AMBRA1: variants seen among roughly 807,000 people sequenced by gnomAD.
AMBRA1 encodes activating molecule in BECN1-regulated autophagy protein 1.
AMBRA1 carries 47 observed loss-of-function variants against 125.4 expected under a neutral mutation model. That is an observed-to-expected ratio of 0.37 (90% CI 0.30 to 0.48). The LOEUF (loss-of-function observed/expected upper bound fraction) is 0.48, where lower values mean the gene tolerates loss of function less well. AMBRA1 is among the 20% of genes least tolerant of loss of function. AMBRA1 has a pLI of 0.99. For synonymous variants in AMBRA1, 626 were observed against 655.5 expected, an observed-to-expected ratio of 0.95 and a Z score of 0.69; for missense variants, 1,331 against 1,693.4, an observed-to-expected ratio of 0.79 and a Z score of 3.76.
intron 11 of AMBRA1, among the ~76,000 whole-genome samples, chr11:46,485,996 T>G (rs977573979): frequency 5.3e-5 from 8 of 152,218 alleles, no homozygotes; most frequent in African/African-American, 1.9e-4. Flanking sequence ...CTGGGAAGGC[T>G]GAGTTCTCTG....
intron 17 of AMBRA1, among the ~76,000 whole-genome samples, chr11:46,408,227 C>T (rs1404498548): frequency 6.6e-6 from 1 of 152,196 alleles, no homozygotes; most frequent in Non-Finnish European, 1.5e-5. Flanking sequence ...AGGAGGGAGT[C>T]TCCCTTTAGC....
intron 1 of AMBRA1, among the ~76,000 whole-genome samples, chr11:46,571,283 T>G (rs2043747459): frequency 6.6e-6 from 1 of 152,200 alleles, no homozygotes; most frequent in African/African-American, 2.4e-5. Context: ...CTGTAATTTT[T>G]AGAAATTCTA....
intron 11 of AMBRA1, among the ~76,000 whole-genome samples, chr11:46,480,530 C>T (rs886159094): frequency 1.6e-4 from 24 of 152,232 alleles, no homozygotes; most frequent in Non-Finnish European, 3.5e-4. Flanking sequence ...CATCCCAATA[C>T]ATGCGTCTTT....
chr11:46,502,954 A>C (rs1195888349), intron 9 of AMBRA1, among the ~76,000 whole-genome samples: 1 of 149,396 alleles, frequency 6.7e-6, no homozygotes, highest in African/African-American at 2.5e-5. Context: ...TCAGCTACTC[A>C]GGAGGCTGAG....
Position 46,572,162 on chromosome 11 carries a change from G to A in AMBRA1, c.-121+21666C>T, listed in dbSNP as rs145514359. Among the ~76,000 whole-genome samples, 770 of 152,158 alleles carry A rather than the reference G, an allele frequency of 5.1e-3. 3 individuals are homozygous for A. Among genetic ancestry groups the A allele is most frequent in the African/African-American group, 0.017 (724 of 41,532 alleles). ...CCGAAAATACAAAAATTTGCTGGGCGTGGTGGCGCCAGCCTGTAATCCCAG... is the reference window on the plus strand; with the variant it reads ...CCGAAAATACAAAAATTTGCTGGGCATGGTGGCGCCAGCCTGTAATCCCAG... On this transcript the variant is annotated intron_variant, in intron 1 of 17. Coordinates refer to ENST00000683756, the MANE Select transcript of AMBRA1 (RefSeq NM_001387011.1).
intron 1 of AMBRA1, among the ~76,000 whole-genome samples, chr11:46,570,261 CAAAAAAAAAAAA>C (rs200875374): frequency 2.8e-3 from 40 of 14,260 alleles, no homozygotes; most frequent in African/African-American, 9.1e-3. Context: ...GACCATGTCT[CAAAAAAAAAAAA>C]AAAAAAAAAA....
chr11:46,550,680 AC>A, intron 1 of AMBRA1, among the ~76,000 whole-genome samples: 1 of 152,126 alleles, frequency 6.6e-6, no homozygotes, highest in East Asian at 1.9e-4. Flanking sequence ...CAGAGTAGTT[AC>A]TACTTCTGTC....
At chr11:46,444,391 ATTTT>A (rs367590170) in intron 11 of AMBRA1, among the ~76,000 whole-genome samples, 1 of 152,146 alleles carries the variant, frequency 6.6e-6, no homozygotes, top group East Asian at 1.9e-4. Flanking sequence ...TAAAAAATGG[ATTTT>A]TTTAACAGGG....
chr11:46,479,373 A>C, intron 11 of AMBRA1, among the ~76,000 whole-genome samples: 1 of 152,220 alleles, frequency 6.6e-6, no homozygotes, highest in South Asian at 2.1e-4. Context: ...TTACCCAAAC[A>C]GCTTGCTTTA....
At chr11:46,408,282 C>T (rs2031351697) in intron 17 of AMBRA1, among the ~76,000 whole-genome samples, 3 of 152,172 alleles carry the variant, frequency 2.0e-5, no homozygotes, top group Admixed American at 1.3e-4. Context: ...GAAAAAGAGA[C>T]AGGGTCCTCA....
At chr11:46,584,334 G>T (rs1475967163) in intron 1 of AMBRA1, among the ~76,000 whole-genome samples, 1 of 139,272 alleles carries the variant, frequency 7.2e-6, no homozygotes, top group African/African-American at 2.7e-5. Context: ...GAGAACACAT[G>T]GACACAGGAA....
chr11:46,545,640 G>A lies in AMBRA1; in HGVS notation c.515C>T (p.Ala172Val), dbSNP rs1344060333. The A allele has an allele frequency of 1.2e-6, 2 of 1,614,114 alleles. No homozygotes were observed. The highest frequency in any genetic ancestry group is 1.1e-5 in the South Asian group (1 of 91,076). The change falls in exon 5 of 18, where the codon GCT becomes GTT. Residue 172 changes from alanine (A) to valine (V), a missense_variant. Physicochemically the swap from Ala to Val is moderately conservative, Grantham distance 64. This residue lies in a region of AMBRA1 where 144 missense variants were observed against 250.4 expected (regional missense o/e 0.58). Coordinates refer to ENST00000683756, the MANE Select transcript of AMBRA1 (RefSeq NM_001387011.1). ...FWDWSRREPFAVVKTASEMER... is the reference protein window; with the variant it reads ...FWDWSRREPFVVVKTASEMER... ...CATCTCACTAGCTGTCTTCACCACA[G>A]CAAAGGGTTCCCGTCGACTCCAGTC...
intron 7 of AMBRA1, among the ~76,000 whole-genome samples, chr11:46,532,068 GA>G (rs1415500824): frequency 1.1e-4 from 16 of 150,906 alleles, no homozygotes; most frequent in African/African-American, 3.9e-4. Flanking sequence ...GCAGTGAGCT[GA>G]GATCGGGCCA....
intron 5 of AMBRA1, 86 bp from the exon 6 acceptor site, chr11:46,544,127 A>T (rs1952885441): frequency 9.5e-7 from 1 of 1,051,598 alleles, no homozygotes; most frequent in Admixed American, 2.0e-5. Flanking sequence ...AATTTATAGC[A>T]ATCATTACTG....
chr11:46,403,094 T>G (rs1261710727), intron 17 of AMBRA1, among the ~76,000 whole-genome samples: 5 of 152,200 alleles, frequency 3.3e-5, no homozygotes, highest in Non-Finnish European at 4.4e-5. Context: ...GGAAATTGAT[T>G]TAGAGTTCAC....
chr11:46,397,568 A>AG lies in AMBRA1; in HGVS notation c.3778dup (p.Leu1260ProfsTer5). Reference sequence around the variant, plus strand: ...GAGGGTTGGTCCCTCAGCGCTGGGAAGGGAAACAGGAATGGGGACAGGGGA... The same window carrying AG: ...GAGGGTTGGTCCCTCAGCGCTGGGAAGGGGAAACAGGAATGGGGACAGGGGA... On this transcript the variant is annotated frameshift_variant, in exon 18 of 18. Transcript: ENST00000683756. LOFTEE classifies it high-confidence loss of function. 6.3e-7 allele frequency: 1 copy of AG among 1,579,046 alleles called. No individual in the cohort carries two copies. The highest frequency in any genetic ancestry group is 8.6e-7 in the Non-Finnish European group (1 of 1,160,210).
chr11:46,504,000 T>C (rs1046145143), intron 9 of AMBRA1, among the ~76,000 whole-genome samples: 5 of 152,218 alleles, frequency 3.3e-5, no homozygotes, highest in African/African-American at 1.2e-4. Flanking sequence ...CACCCGGCTC[T>C]AGCAACAGTT....
chr11:46,548,821 G>A lies in AMBRA1; in HGVS notation c.-120-321C>T, dbSNP rs188979448. Among the ~76,000 whole-genome samples, 329 of 152,180 alleles carry A rather than the reference G, an allele frequency of 2.2e-3. 3 individuals are homozygous for A. The highest frequency in any genetic ancestry group is 2.5e-3 in the African/African-American group (105 of 41,518). On this transcript the variant is annotated intron_variant, in intron 1 of 17. Transcript: ENST00000683756. ...AGCCTGGCCAACATGGTGAAACCCC[G>A]TCTCTACTAAAATACAAAAATTAGC...
chr11:46,512,685 G>A (rs771300172), intron 8 of AMBRA1, 42 bp downstream of exon 8: 11 of 1,571,796 alleles, frequency 7.0e-6, no homozygotes, highest in South Asian at 4.5e-5. Context: ...CCCAAGGGCC[G>A]CCCCTCCCCC....
Sources: gnomAD v4.1 joint callset for allele counts (sites outside exome capture counted in the v4.1 genomes callset) on GRCh38, gnomAD v4.1.1 for gene constraint, gnomAD v4.1.1 regional missense constraint, MANE v1.5 for transcripts, NCBI Gene and HGNC (gene_info 2026-07-23, HGNC 2026-07-21) for gene names.